Variants in RIC1 observed in about 807,000 individuals in gnomAD.
RIC1 encodes the protein guanine nucleotide exchange factor subunit RIC1.
In RIC1, 88 loss-of-function variants were observed where a neutral mutation model predicts 169.0. The observed-to-expected ratio is 0.52, with a 90% CI of 0.44 to 0.62. The LOEUF is 0.62. Among genes scored for constraint, RIC1 ranks in the 20% least tolerant of loss-of-function variants. The probability of loss-of-function intolerance (pLI) is 0.00; values close to 1 mark genes in which losing one functional copy is unlikely to be tolerated. For synonymous variants in RIC1, 790 were observed against 601.5 expected (o/e 1.31, Z -4.59); for missense variants, 1,877 against 1,725.5 (o/e 1.09, Z -1.56).
rs1826012460 is a variant in RIC1, at chr9:5,756,328, A to G, written c.1809A>G (p.Ala603=). 6.3e-7 allele frequency: 1 copy of G among 1,576,156 alleles called. No individual in the cohort carries two copies. Among genetic ancestry groups the G allele is most frequent in the Non-Finnish European group, 8.6e-7 (1 of 1,157,440 alleles). The change falls in exon 16 of 26, where the codon GCA becomes GCG. Residue 603 remains alanine (A), a synonymous_variant. Coordinates refer to ENST00000414202, the MANE Select transcript of RIC1 (RefSeq NM_020829.4). Reference sequence around the variant, plus strand: ...AGGACATGGTAATAGTATTTAGAGCAGACTGTTCAATATGCCTTTACAGTA... The same window carrying G: ...AGGACATGGTAATAGTATTTAGAGCGGACTGTTCAATATGCCTTTACAGTA... ...VFQDMVIVFR[A]DCSICLYSIE... is the part of the protein sequence containing the mutation.
intron 17 of RIC1, among the ~76,000 whole-genome samples, chr9:5,758,206 C>T (rs993791021): frequency 2.0e-5 from 3 of 152,178 alleles, no homozygotes; most frequent in Admixed American, 6.5e-5. Flanking sequence ...AGTATAATCC[C>T]GTAGTTTCTG....
chr9:5,632,084 C>G (rs910922279), intron 1 of RIC1, among the ~76,000 whole-genome samples: 6 of 152,142 alleles, frequency 3.9e-5, no homozygotes, highest in African/African-American at 1.4e-4. Context: ...GAGTTGAAGT[C>G]TTACAGCTGC....
intron 1 of RIC1, among the ~76,000 whole-genome samples, chr9:5,637,540 A>G (rs2130276856): frequency 6.6e-6 from 1 of 152,306 alleles, no homozygotes; most frequent in Non-Finnish European, 1.5e-5. Flanking sequence ...TTGTGCTATC[A>G]AATACTAGGT....
intron 20 of RIC1, 42 bp from the exon 21 acceptor site, chr9:5,765,620 G>A: frequency 6.2e-7 from 1 of 1,614,050 alleles, no homozygotes; most frequent in Non-Finnish European, 8.5e-7. Context: ...CACCCACGTA[G>A]CATCTTTCTC....
At chr9:5,698,216 C>G (rs887177814) in intron 3 of RIC1, among the ~76,000 whole-genome samples, 1 of 152,204 alleles carries the variant, frequency 6.6e-6, no homozygotes, top group African/African-American at 2.4e-5. Flanking sequence ...ATCACCTGAT[C>G]TAGCCCTCAA....
chr9:5,765,582 A>G lies in RIC1; in HGVS notation c.3000+10A>G, dbSNP rs1197555486. 6.2e-7 allele frequency: 1 copy of G among 1,614,022 alleles called. No homozygotes were observed. Among genetic ancestry groups the G allele is most frequent in the Non-Finnish European group, 8.5e-7 (1 of 1,179,918 alleles). ...CACACCCACAGCTCAGGTTAGTTGC[A>G]AAAGTTACACATCTTCTCTAGGCCA... On this transcript the variant is annotated intron_variant, in intron 20 of 25. Transcript: ENST00000414202.
Position 5,772,659 on chromosome 9 carries a change from C to G in RIC1, c.3712C>G (p.Leu1238Val). 6.2e-7 allele frequency: 1 copy of G among 1,613,908 alleles called. No individual in the cohort carries two copies. Among genetic ancestry groups the G allele is most frequent in the Non-Finnish European group, 8.5e-7 (1 of 1,179,880 alleles). Residue 1238 changes from leucine to valine, a missense_variant, in exon 24 of 26, where the codon CTC becomes GTC. Transcript: ENST00000414202. ...WTMVDENFST[L>V]SLTQSELEHI... Reference sequence around the variant, plus strand: ...AATGGTGGATGAAAATTTCTCTACACTCAGTTTAACTCAGTCAGAGCTGGA... The same window carrying G: ...AATGGTGGATGAAAATTTCTCTACAGTCAGTTTAACTCAGTCAGAGCTGGA...
At chr9:5,728,661 A>G (rs1205430433) in intron 6 of RIC1, among the ~76,000 whole-genome samples, 1 of 152,134 alleles carries the variant, frequency 6.6e-6, no homozygotes, top group Non-Finnish European at 1.5e-5. Flanking sequence ...CTATTTGGCC[A>G]TCTTGGAACC....
chr9:5,669,921 C>G (rs1353815749), intron 2 of RIC1, among the ~76,000 whole-genome samples: 1 of 152,148 alleles, frequency 6.6e-6, no homozygotes, highest in Admixed American at 6.5e-5. Flanking sequence ...GCCACCTAAT[C>G]AGATATCAAG....
chr9:5,675,054 A>G (rs1820358777), intron 2 of RIC1, among the ~76,000 whole-genome samples: 1 of 152,158 alleles, frequency 6.6e-6, no homozygotes, highest in African/African-American at 2.4e-5. Context: ...TTACAGATGG[A>G]GCAATGGTGA....
At chr9:5,771,238 C>T (rs1461963177) in intron 23 of RIC1, among the ~76,000 whole-genome samples, 1 of 152,176 alleles carries the variant, frequency 6.6e-6, no homozygotes, top group Non-Finnish European at 1.5e-5. Context: ...TTCCCCCAGC[C>T]AGTGGCAACC....
chr9:5,732,152 C>T (rs954315552), intron 6 of RIC1, among the ~76,000 whole-genome samples: 1 of 152,050 alleles, frequency 6.6e-6, no homozygotes, highest in African/African-American at 2.4e-5. Flanking sequence ...TTAACTAGCA[C>T]TGGACTGAGC....
intron 1 of RIC1, among the ~76,000 whole-genome samples, chr9:5,648,038 A>G (rs1021527923): frequency 6.6e-6 from 1 of 151,470 alleles, no homozygotes; most frequent in African/African-American, 2.4e-5. Context: ...GCCGGAGTGC[A>G]ATGGTGTGAT....
intron 2 of RIC1, among the ~76,000 whole-genome samples, chr9:5,674,808 T>C (rs1233871332): frequency 6.6e-6 from 1 of 152,236 alleles, no homozygotes; most frequent in East Asian, 1.9e-4. Context: ...CAAATTCATC[T>C]TTGGAGAAAG....
At chr9:5,664,896 A>G (rs939162401) in intron 2 of RIC1, among the ~76,000 whole-genome samples, 18 of 152,124 alleles carry the variant, frequency 1.2e-4, no homozygotes, top group African/African-American at 4.1e-4. Context: ...CACTTGGTCT[A>G]TTCTGCTATT....
intron 3 of RIC1, among the ~76,000 whole-genome samples, chr9:5,704,804 C>G (rs1182893749): frequency 2.0e-5 from 3 of 151,960 alleles, no homozygotes; most frequent in Non-Finnish European, 2.9e-5. Context: ...ATAGTTTTAG[C>G]TCTTATATTT....
chr9:5,777,682 G>T (rs1333313285), downstream of RIC1, among the ~76,000 whole-genome samples: 1 of 152,088 alleles, frequency 6.6e-6, no homozygotes, highest in African/African-American at 2.4e-5. Flanking sequence ...TATATGATAT[G>T]AAAGAGAGAT....
At chr9:5,714,041 CAGTAG>C in intron 4 of RIC1, 38 bp downstream of exon 4, 2 of 1,345,420 alleles carry the variant, frequency 1.5e-6, no homozygotes, top group Non-Finnish European at 2.1e-6. Flanking sequence ...TGTGTGATGA[CAGTAG>C]ACAATGTAGT....
intron 6 of RIC1, among the ~76,000 whole-genome samples, chr9:5,723,431 T>G (rs969811706): frequency 1.3e-5 from 2 of 152,238 alleles, no homozygotes; most frequent in Admixed American, 6.5e-5. Context: ...TAAATTTGTT[T>G]AAGTTCTTTG....
Sources: allele counts gnomAD v4.1 joint callset (sites outside exome capture counted in the v4.1 genomes callset), GRCh38; gene constraint gnomAD v4.1.1; transcripts MANE v1.5; gene names NCBI Gene and HGNC (gene_info 2026-07-23, HGNC 2026-07-21).